Variants in SLC6A7 observed in about 807,000 individuals in gnomAD.
SLC6A7 encodes sodium-dependent proline transporter.
SLC6A7 carries 58 observed loss-of-function variants against 73.1 expected under a neutral mutation model. That is an observed-to-expected ratio of 0.79 (90% CI 0.64 to 0.99). SLC6A7 has a LOEUF of 0.99. Ranked by LOEUF, SLC6A7 falls within the 50% of genes least tolerant of loss-of-function variation. The pLI is 0.00. For synonymous variants in SLC6A7, 338 were observed against 338.7 expected, an observed-to-expected ratio of 1.00 and a Z score of 0.02; for missense variants, 783 against 831.4, an observed-to-expected ratio of 0.94 and a Z score of 0.72.
intron 2 of SLC6A7, chr5:150,195,122 T>G: frequency 3.9e-6 from 2 of 513,592 alleles, no homozygotes; most frequent in Non-Finnish European, 7.0e-6. Flanking sequence ...CTCCCTCTCA[T>G]CCCCAGGAAG....
intron 4 of SLC6A7, among the ~76,000 whole-genome samples, chr5:150,198,049 GAGAAAGAAAGAA>G (rs1554115584): frequency 0.031 from 3,228 of 103,624 alleles, 73 homozygotes; most frequent in East Asian, 0.046. Flanking sequence ...AAAGAAGAAA[GAGAAAGAAAGAA>G]AGAAAGAAAG....
intron 4 of SLC6A7, among the ~76,000 whole-genome samples, chr5:150,198,051 GA>G (rs1213019228): frequency 3.5e-5 from 1 of 28,294 alleles, no homozygotes; most frequent in Non-Finnish European, 7.6e-5. Context: ...AGAAGAAAGA[GA>G]AAGAAAGAAA....
intron 10 of SLC6A7, 94 bp downstream of exon 10, chr5:150,204,132 C>G (rs1351887450): frequency 3.4e-5 from 42 of 1,235,270 alleles, no homozygotes; most frequent in Non-Finnish European, 4.7e-5. Context: ...TGCTGGGCCC[C>G]CTCCATCTTC....
In SLC6A7 at chr5:150,196,964, G is replaced by A. The variant is rs111733709; in HGVS notation, c.350-78G>A. 4,460 of 1,534,562 alleles carry A rather than the reference G, an allele frequency of 2.9e-3. 88 individuals carry two copies. The African/African-American group carries it at 0.047, about 16-fold the overall frequency. On this transcript the variant is annotated intron_variant, in intron 3 of 13. Coordinates refer to ENST00000230671, the MANE Select transcript of SLC6A7 (RefSeq NM_014228.5). ...AGGTGGAAGTGAAGCCCAGATAGCT[G>A]CCAGCTCCCCAGAAGCCACTCCACC...
At chr5:150,206,392 G>A (rs766875759) in intron 13 of SLC6A7, among the ~76,000 whole-genome samples, 5 of 152,200 alleles carry the variant, frequency 3.3e-5, no homozygotes, top group Admixed American at 6.5e-5. Context: ...AAATATTCAG[G>A]AATGTGTGAG....
At chr5:150,201,576 A>G (rs1753385052) in intron 6 of SLC6A7, among the ~76,000 whole-genome samples, 1 of 152,170 alleles carries the variant, frequency 6.6e-6, no homozygotes, top group Non-Finnish European at 1.5e-5. Context: ...TGCATATTAT[A>G]CTTCATTTAT....
At position 150,209,732 on chromosome 5, in the gene SLC6A7, AGGGAT is replaced by A; in HGVS notation, c.*119_*123del. ...GAGAGGCTATGGGGGGGCCTGCCAT[AGGGAT>A]GCCAGTCCCCCAGTGGGGGTCCCTT... On this transcript the variant is annotated 3_prime_UTR_variant, in exon 14 of 14. Coordinates refer to ENST00000230671, the MANE Select transcript of SLC6A7 (RefSeq NM_014228.5). 2.4e-6 allele frequency: 2 copies of A among 838,064 alleles called. No individual in the cohort carries two copies. The highest frequency in any genetic ancestry group is 1.7e-5 in the African/African-American group (1 of 59,508). The allele number at this position is 838,064 out of a possible 1,614,324, so 51.9% of individuals were successfully genotyped here.
intron 8 of SLC6A7, among the ~76,000 whole-genome samples, chr5:150,203,223 AG>A (rs1356659825): frequency 6.6e-6 from 1 of 152,158 alleles, no homozygotes; most frequent in African/African-American, 2.4e-5. Context: ...CCATGTCTGG[AG>A]GCCAATGAGT....
intron 13 of SLC6A7, 26 bp from the exon 14 acceptor site, chr5:150,209,380 T>G: frequency 5.6e-6 from 9 of 1,603,398 alleles, no homozygotes; most frequent in Admixed American, 1.7e-5. Flanking sequence ...TTTCCTGTTT[T>G]CACTGCTCTC....
chr5:150,202,136 C>T (rs926548311), intron 6 of SLC6A7, among the ~76,000 whole-genome samples: 3 of 152,204 alleles, frequency 2.0e-5, no homozygotes, highest in East Asian at 1.9e-4. Flanking sequence ...AACTGAAGCC[C>T]GCAGAGGGGA....
chr5:150,205,493 C>A lies in SLC6A7; in HGVS notation c.1571C>A (p.Ser524Ter). 6.2e-7 allele frequency: 1 copy of A among 1,612,606 alleles called. No individual in the cohort carries two copies. Among genetic ancestry groups the A allele is most frequent in the South Asian group, 1.1e-5 (1 of 90,818 alleles). The change falls in exon 13 of 14, where the codon TCG (serine) becomes TAG (stop). Residue 524 changes from serine (S) to a stop codon, truncating the protein, a stop_gained. Coordinates refer to ENST00000230671, the MANE Select transcript of SLC6A7 (RefSeq NM_014228.5). LOFTEE classifies it high-confidence loss of function. ...TATAGCATCGTCAAGTACCAGCCCT[C>A]GGAGTATGGCAGTTACCGCTTCCCG... ...MVYSIVKYQP[S>*]EYGSYRFPPW...
rs372403640 is a variant in SLC6A7 at position 150,196,699 on chromosome 5, C to T, written c.218-17C>T. ...AGCTGCCCCCAAGGCCCTTGCTGACCACCCCGCTCCCGGCAGGCGCCTTCC... is the reference window on the plus strand; with the variant it reads ...AGCTGCCCCCAAGGCCCTTGCTGACTACCCCGCTCCCGGCAGGCGCCTTCC... On this transcript the variant is annotated splice_polypyrimidine_tract_variant and intron_variant, in intron 2 of 13. Transcript: ENST00000230671. 1 of 1,608,996 alleles carries T rather than the reference C, an allele frequency of 6.2e-7. No homozygotes were observed. Among genetic ancestry groups the T allele is most frequent in the Non-Finnish European group, 8.5e-7 (1 of 1,177,448 alleles).
chr5:150,209,313 G>A, intron 13 of SLC6A7, 93 bp from the exon 14 acceptor site: 1 of 1,036,176 alleles, frequency 9.7e-7, no homozygotes, highest in South Asian at 1.4e-5. Flanking sequence ...CCCCAGTGAT[G>A]TGGTCAGGTG....
In SLC6A7 at chr5:150,194,915, T is replaced by C. The variant is rs1182273765; in HGVS notation, c.217+4T>C. The stretch of plus-strand genomic sequence containing the variant: ...CGAGCGTACACCAATGGAGGAGGTA[T>C]GGGCCTGAGGTCCTGTCGGAGGGTG... On this transcript the variant is annotated splice_donor_region_variant and intron_variant, in intron 2 of 13. Transcript: ENST00000230671. The C allele has an allele frequency of 2.5e-6, 4 of 1,612,444 alleles. No individual in the cohort carries two copies. Among genetic ancestry groups the C allele is most frequent in the Admixed American group, 1.7e-5 (1 of 60,018 alleles).
chr5:150,204,504 G>C, intron 10 of SLC6A7, 28 bp from the exon 11 acceptor site: 3 of 1,534,974 alleles, frequency 2.0e-6, no homozygotes, highest in Non-Finnish European at 2.7e-6. Context: ...CCCAGGAAGG[G>C]GACACCAGAA....
intron 5 of SLC6A7, among the ~76,000 whole-genome samples, chr5:150,200,039 G>A (rs879734024): frequency 4.6e-5 from 7 of 152,168 alleles, no homozygotes; most frequent in South Asian, 2.1e-4. Flanking sequence ...TTGGCTGGGC[G>A]TGGGTCATGT....
At position 150,190,259 on chromosome 5, in the gene SLC6A7, C is replaced by T. The variant is rs1235465985; in HGVS notation, c.-69C>T. ...GCGGGGGCAAAGGCGCAGTGGCCAG[C>T]GGACCATCTCTCGTGCCCTCGCTCT... On this transcript the variant is annotated 5_prime_UTR_variant, in exon 1 of 14. Transcript: ENST00000230671. 1.0e-4 allele frequency: 140 copies of T among 1,347,884 alleles called. 6 individuals carry two copies. In the South Asian group the frequency reaches 1.3e-3, roughly 13 times the overall value. 83.5% of individuals were successfully genotyped at this position (1,347,884 alleles called of 1,614,324 possible).
At chr5:150,192,744 G>A (rs565494846) in intron 1 of SLC6A7, among the ~76,000 whole-genome samples, 68 of 152,238 alleles carry the variant, frequency 4.5e-4, no homozygotes, top group East Asian at 7.7e-4. Flanking sequence ...ACAGAGAACC[G>A]GGACCGCTCC....
Position 150,190,266 on chromosome 5 carries a change from T to C in SLC6A7, c.-62T>C. The C allele has an allele frequency of 2.1e-6, 3 of 1,411,834 alleles. No individual in the cohort carries two copies. The highest frequency in any genetic ancestry group is 1.9e-6 in the Non-Finnish European group (2 of 1,048,136). 87.5% of individuals were successfully genotyped at this position (1,411,834 alleles called of 1,614,324 possible). ...CAAAGGCGCAGTGGCCAGCGGACCA[T>C]CTCTCGTGCCCTCGCTCTCTGCGCT... On this transcript the variant is annotated 5_prime_UTR_variant, in exon 1 of 14. Coordinates refer to ENST00000230671, the MANE Select transcript of SLC6A7 (RefSeq NM_014228.5).
Sources: gnomAD v4.1 joint callset for allele counts (sites outside exome capture counted in the v4.1 genomes callset) on GRCh38, gnomAD v4.1.1 for gene constraint, MANE v1.5 for transcripts, NCBI Gene and HGNC (gene_info 2026-07-23, HGNC 2026-07-21) for gene names.